The following RANBP2 variants were observed in gnomAD, a reference collection of about 807,000 sequenced individuals.
RANBP2 encodes the protein RAN binding protein 2, also known as E3 SUMO-protein ligase RanBP2.
A neutral mutation model predicts 303.6 loss-of-function variants in RANBP2; 57 were observed. That is an observed-to-expected ratio of 0.19 (90% CI 0.15 to 0.23). RANBP2 has a LOEUF of 0.23. Among genes scored for constraint, RANBP2 ranks in the 10% least tolerant of loss-of-function variants. The pLI is 1.00. For missense variants in RANBP2, 3,138 were observed against 3,780.8 expected (o/e 0.83, Z 4.46); for synonymous variants, 1,167 against 1,301.5 (o/e 0.90, Z 2.23).
At chr2:109,713,114 T>C in the RANBP2 span, among the ~76,000 whole-genome samples, 104,898 of 152,072 alleles carry the variant, frequency 0.69, 39,472 homozygotes, top group East Asian at 0.97. Context: ...CCCTCCCTCC[T>C]CTTGCACTGG....
the RANBP2 span, among the ~76,000 whole-genome samples, chr2:108,939,377 G>A: frequency 6.6e-6 from 1 of 152,136 alleles, no homozygotes; most frequent in Non-Finnish European, 1.5e-5. Flanking sequence ...AGTAGAGATG[G>A]GGTTTCACCA....
At chr2:109,553,176 C>A in the RANBP2 span, 1 of 1,614,152 alleles carries the variant, frequency 6.2e-7, no homozygotes, top group South Asian at 1.1e-5. Flanking sequence ...CTCTGACGTT[C>A]ACCATGGAAC....
At chr2:109,300,325 G>A in the RANBP2 span, among the ~76,000 whole-genome samples, 1 of 151,946 alleles carries the variant, frequency 6.6e-6, no homozygotes, top group African/African-American at 2.4e-5. Context: ...GACTATAGTC[G>A]CACGCCACCA....
the RANBP2 span, among the ~76,000 whole-genome samples, chr2:109,760,748 G>A: frequency 6.9e-6 from 1 of 144,568 alleles, no homozygotes; most frequent in South Asian, 2.2e-4. Context: ...CCCTGCTCCA[G>A]GAATGGGACC....
chr2:109,194,155 C>T, the RANBP2 span, among the ~76,000 whole-genome samples: 1 of 152,234 alleles, frequency 6.6e-6, no homozygotes, highest in Non-Finnish European at 1.5e-5. Flanking sequence ...CACATGTGTC[C>T]AAGCCCTTCC....
chr2:109,145,609 C>T, the RANBP2 span, among the ~76,000 whole-genome samples: 1 of 152,206 alleles, frequency 6.6e-6, no homozygotes. Flanking sequence ...CGACCTTTGG[C>T]ACTGCTATCG....
chr2:109,345,378 G>T, the RANBP2 span, among the ~76,000 whole-genome samples: 5 of 152,294 alleles, frequency 3.3e-5, no homozygotes, highest in African/African-American at 1.2e-4. Context: ...CCGCAGAAGG[G>T]AGTGCAGCGT....
chr2:109,402,767 G>C, the RANBP2 span, among the ~76,000 whole-genome samples: 11 of 152,202 alleles, frequency 7.2e-5, no homozygotes, highest in African/African-American at 2.2e-4. Context: ...TGGGCCATGG[G>C]GGGCAGAGGA....
At chr2:108,858,352 A>G in the RANBP2 span, among the ~76,000 whole-genome samples, 2 of 151,718 alleles carry the variant, frequency 1.3e-5, no homozygotes, top group African/African-American at 4.9e-5. Context: ...TCAAAAACAA[A>G]CAAACAAACA....
chr2:108,807,692 A>C, the RANBP2 span, among the ~76,000 whole-genome samples: 2 of 152,090 alleles, frequency 1.3e-5, no homozygotes, highest in Non-Finnish European at 2.9e-5. Flanking sequence ...ATCTCGGCTC[A>C]CTGCAACCTC....
the RANBP2 span, among the ~76,000 whole-genome samples, chr2:108,951,108 C>T: frequency 6.6e-6 from 1 of 152,200 alleles, no homozygotes; most frequent in East Asian, 1.9e-4. Context: ...AACTACCTGC[C>T]CTGGGAGTTT....
At chr2:108,754,084 A>C (rs534272972) in intron 15 of RANBP2, 113 bp downstream of exon 15, 25 of 1,605,190 alleles carry the variant, frequency 1.6e-5, no homozygotes, top group African/African-American at 4.0e-5. Context: ...TGTTGTTATT[A>C]ATGCACAGAA....
intron 7 of RANBP2, among the ~76,000 whole-genome samples, chr2:108,741,495 CTTTTTTTTTTT>C (rs34872068): frequency 0.015 from 912 of 61,820 alleles, 8 homozygotes; most frequent in Non-Finnish European, 0.02. Context: ...TGCGCCTGGC[CTTTTTTTTTTT>C]TTTTTTTTTT....
the RANBP2 span, among the ~76,000 whole-genome samples, chr2:109,707,644 G>A: frequency 0.56 from 84,417 of 151,980 alleles, 26,311 homozygotes; most frequent in Non-Finnish European, 0.68. Context: ...GGGCCCAGCA[G>A]GGATGGCTTT....
the RANBP2 span, among the ~76,000 whole-genome samples, chr2:109,166,092 G>T: frequency 6.6e-6 from 1 of 152,192 alleles, no homozygotes; most frequent in African/African-American, 2.4e-5. Context: ...GTGGAGACTG[G>T]TGGGGGCAGA....
chr2:109,587,693 A>C, the RANBP2 span, among the ~76,000 whole-genome samples: 7 of 151,964 alleles, frequency 4.6e-5, no homozygotes, highest in Non-Finnish European at 1.0e-4. Context: ...GCGGGTGGAT[A>C]ACAAGGTCAG....
At chr2:108,957,760 C>T in the RANBP2 span, among the ~76,000 whole-genome samples, 2 of 152,188 alleles carry the variant, frequency 1.3e-5, no homozygotes, top group African/African-American at 2.4e-5. Context: ...TTAATGCATC[C>T]GAGTTATTCC....
the RANBP2 span, among the ~76,000 whole-genome samples, chr2:109,513,048 G>A: frequency 6.6e-6 from 1 of 152,182 alleles, no homozygotes; most frequent in African/African-American, 2.4e-5. Flanking sequence ...TGCAAGGCCC[G>A]AAGGAGCCAG....
chr2:109,582,075 G>GACACACACAC, the RANBP2 span, among the ~76,000 whole-genome samples: 43 of 143,768 alleles, frequency 3.0e-4, no homozygotes, highest in African/African-American at 9.6e-4. Flanking sequence ...ATGTACAACA[G>GACACACACAC]ACACACACAC....
Sources: gnomAD v4.1 joint callset for allele counts (sites outside exome capture counted in the v4.1 genomes callset) on GRCh38, gnomAD v4.1.1 for gene constraint, MANE v1.5 for transcripts, NCBI Gene and HGNC (gene_info 2026-07-23, HGNC 2026-07-21) for gene names.